The following CSMD3 variants were observed in gnomAD, a reference collection of about 807,000 sequenced individuals.
CSMD3 encodes CUB and Sushi multiple domains 3, also known as CUB and sushi domain-containing protein 3.
In CSMD3, 177 loss-of-function variants were observed where a neutral mutation model predicts 435.2. The observed-to-expected ratio is 0.41, with a 90% confidence interval of 0.36 to 0.46. CSMD3 has a LOEUF of 0.46. CSMD3 is among the 20% of genes least tolerant of loss of function. The pLI is 0.34. For missense variants in CSMD3, 4,265 were observed against 4,504.6 expected (o/e 0.95, Z 1.52); for synonymous variants, 1,656 against 1,520.5 (o/e 1.09, Z -2.07).
At chr8:112,731,966 T>C (rs1365670024) in intron 13 of CSMD3, among the ~76,000 whole-genome samples, 1 of 152,154 alleles carries the variant, frequency 6.6e-6, no homozygotes, top group Admixed American at 6.6e-5. Context: ...AATGTTTCCT[T>C]GTCTATGCCA....
chr8:112,413,672 G>A, intron 32 of CSMD3, among the ~76,000 whole-genome samples: 1 of 152,172 alleles, frequency 6.6e-6, no homozygotes, highest in African/African-American at 2.4e-5. Flanking sequence ...TCACAGGGGA[G>A]GGCCTTTGCT....
intron 13 of CSMD3, among the ~76,000 whole-genome samples, chr8:112,794,163 T>A (rs2132302537): frequency 6.6e-6 from 1 of 151,756 alleles, no homozygotes; most frequent in East Asian, 1.9e-4. Context: ...AAGTTATTAA[T>A]ATTAAAAAAA....
At position 112,358,708 on chromosome 8, in the gene CSMD3, C is replaced by A. The variant is rs1235709552; in HGVS notation, c.6137-6174G>T. On this transcript the variant is annotated intron_variant, in intron 38 of 70. Transcript: ENST00000297405. ...GCCATGATTGTGAGGCTTCACCAGC[C>A]CTGTGGAACTGTAAGTCCAGTTAAA... is the stretch of plus-strand genomic sequence containing the variant. 3.3e-5 allele frequency among the ~76,000 whole-genome samples: 5 copies of A among 152,250 alleles called. No homozygotes were observed. The East Asian group carries it at 9.7e-4, about 29-fold the overall frequency.
chr8:113,248,274 A>G (rs1226490151), intron 3 of CSMD3, among the ~76,000 whole-genome samples: 1 of 151,576 alleles, frequency 6.6e-6, no homozygotes, highest in African/African-American at 2.4e-5. Flanking sequence ...TCTTACGTGT[A>G]CCATTTTTCA....
chr8:112,492,456 C>T lies in CSMD3; in HGVS notation c.5278+33G>A, dbSNP rs748147691. 34 of 1,556,196 alleles carry T rather than the reference C, an allele frequency of 2.2e-5. No homozygotes were observed. In the East Asian group the frequency reaches 7.4e-4, roughly 34 times the overall value. On this transcript the variant is annotated intron_variant, in intron 31 of 70. Transcript: ENST00000297405. ...TAAATATTTTTTGATTTTTTCTAAT[C>T]ATGAAAATTCAGCCAAAAAATATGT...
chr8:112,599,372 G>A (rs13248306), intron 22 of CSMD3, among the ~76,000 whole-genome samples: 76,597 of 138,630 alleles, frequency 0.55, 21,137 homozygotes, highest in African/African-American at 0.65. Context: ...GGAAACAACA[G>A]GTGCTGGAGA....
At chr8:113,436,529 G>T in intron 1 of CSMD3, 148 bp downstream of exon 1, 1 of 809,374 alleles carries the variant, frequency 1.2e-6, no homozygotes, top group Non-Finnish European at 2.2e-6. Flanking sequence ...TCCTATCTGA[G>T]GGGGGGAGAA....
intron 38 of CSMD3, 54 bp downstream of exon 38, chr8:112,380,298 A>G (rs1241852225): frequency 5.3e-6 from 5 of 936,720 alleles, no homozygotes; most frequent in African/African-American, 1.6e-5. Context: ...AATATTTTTA[A>G]TTAATATAAA....
chr8:112,636,681 A>G (rs563808088), intron 22 of CSMD3, 136 bp downstream of exon 22: 1 of 775,906 alleles, frequency 1.3e-6, no homozygotes, highest in African/African-American at 1.7e-5. Flanking sequence ...AGATTGCCAA[A>G]TAGAAAAAAA....
rs2129988713 is a variant in CSMD3 at position 112,237,206 on chromosome 8, C to T, written c.10611G>A (p.Met3537Ile). ...TTGCGATACCTGAAAGTAGCAGCTC[C>T]ATGTTGCTATTGCTCAGTGTTGCGT... ...RVNATLSNSN[M>I]ELLLSGVYKS... Residue 3537 changes from methionine (M) to isoleucine (I), a missense_variant, in exon 67 of 71, where the codon ATG becomes ATA. Around this residue, in one of 3 missense-constraint regions of CSMD3, gnomAD observed 3,255 missense variants for 3,380.2 expected, o/e 0.96. Coordinates refer to ENST00000297405, the MANE Select transcript of CSMD3 (RefSeq NM_198123.2). 6.2e-7 allele frequency: 1 copy of T among 1,613,532 alleles called. No homozygotes were observed. The highest frequency in any genetic ancestry group is 1.1e-5 in the South Asian group (1 of 91,074).
At chr8:112,805,924 A>G (rs2079074867) in intron 12 of CSMD3, among the ~76,000 whole-genome samples, 1 of 152,194 alleles carries the variant, frequency 6.6e-6, no homozygotes, top group Non-Finnish European at 1.5e-5. Flanking sequence ...AGGCTCAGAA[A>G]CTAAAGAGCA....
intron 10 of CSMD3, among the ~76,000 whole-genome samples, chr8:112,916,674 AG>A (rs2082581020): frequency 6.6e-6 from 1 of 151,956 alleles, no homozygotes. Context: ...AAATTTCAGC[AG>A]GTTCTGATAT....
intron 12 of CSMD3, among the ~76,000 whole-genome samples, chr8:112,818,421 G>A (rs1356349133): frequency 1.3e-5 from 2 of 151,976 alleles, no homozygotes; most frequent in Non-Finnish European, 2.9e-5. Context: ...CAATTTACTT[G>A]TAAAATAATT....
chr8:113,274,843 G>A (rs1258254750), intron 3 of CSMD3, among the ~76,000 whole-genome samples: 2 of 136,096 alleles, frequency 1.5e-5, no homozygotes, highest in African/African-American at 5.3e-5. Flanking sequence ...CAGAGAGAAA[G>A]AGAGAGAGAA....
At chr8:113,116,616 A>C (rs1451747511) in intron 4 of CSMD3, among the ~76,000 whole-genome samples, 2 of 152,206 alleles carry the variant, frequency 1.3e-5, no homozygotes, top group Non-Finnish European at 2.9e-5. Flanking sequence ...TAAATGGCAG[A>C]TGCTGGAACC....
intron 1 of CSMD3, among the ~76,000 whole-genome samples, chr8:113,394,112 G>C (rs1306018208): frequency 6.7e-6 from 1 of 150,032 alleles, no homozygotes; most frequent in Non-Finnish European, 1.5e-5. Flanking sequence ...GTATAGTCTA[G>C]CATTTTTATA....
chr8:113,084,402 G>A (rs569715190), intron 5 of CSMD3, among the ~76,000 whole-genome samples: 28 of 152,030 alleles, frequency 1.8e-4, no homozygotes, highest in African/African-American at 6.7e-4. Flanking sequence ...CCAATTAGGT[G>A]AAAGATCTCT....
intron 1 of CSMD3, among the ~76,000 whole-genome samples, chr8:113,361,984 A>C (rs2132992988): frequency 6.6e-6 from 1 of 152,312 alleles, no homozygotes; most frequent in East Asian, 1.9e-4. Context: ...AGATTTTAAT[A>C]AATAGATCTA....
At chr8:112,451,371 GA>G (rs1436671860) in intron 32 of CSMD3, among the ~76,000 whole-genome samples, 5 of 150,612 alleles carry the variant, frequency 3.3e-5, no homozygotes, top group African/African-American at 4.9e-5. Flanking sequence ...AACATGAAAT[GA>G]AAAAAAAGAA....
Sources: gnomAD v4.1 joint callset for allele counts (sites outside exome capture counted in the v4.1 genomes callset) on GRCh38, gnomAD v4.1.1 for gene constraint, gnomAD v4.1.1 regional missense constraint, MANE v1.5 for transcripts, NCBI Gene and HGNC (gene_info 2026-07-23, HGNC 2026-07-21) for gene names.